The following MGAM variants were observed in gnomAD, a reference collection of about 807,000 sequenced individuals.
MGAM encodes the protein maltase-glucoamylase, also known as alpha-1,4-glucosidase.
In MGAM, 253 loss-of-function variants were observed where a neutral mutation model predicts 358.8. The ratio of observed to expected loss-of-function variants is 0.71; its 90% CI spans 0.64 to 0.78. MGAM has a LOEUF of 0.78. Ranked by LOEUF, MGAM falls within the 30% of genes least tolerant of loss-of-function variation. The probability of loss-of-function intolerance (pLI) is 0.00; values close to 1 mark genes in which losing one functional copy is unlikely to be tolerated. For missense variants in MGAM, 3,080 were observed against 3,432.6 expected (o/e 0.90, Z 2.57); for synonymous variants, 1,105 against 1,227.1 (o/e 0.90, Z 2.08).
intron 7 of MGAM, among the ~76,000 whole-genome samples, chr7:142,024,061 C>T (rs1806719825): frequency 6.6e-6 from 1 of 151,972 alleles, no homozygotes; most frequent in Non-Finnish European, 1.5e-5. Flanking sequence ...CCTGTCTCTA[C>T]TAAAAATACA....
At chr7:142,058,723 T>A (rs1226734558) in intron 31 of MGAM, among the ~76,000 whole-genome samples, 1 of 152,238 alleles carries the variant, frequency 6.6e-6, no homozygotes, top group Non-Finnish European at 1.5e-5. Context: ...GACAATTGTA[T>A]ATGTGAATAC....
Position 142,047,732 on chromosome 7 carries a change from C to T in MGAM, c.2499-53C>T, listed in dbSNP as rs896195595. 15 of 1,511,944 alleles carry T rather than the reference C, an allele frequency of 9.9e-6. No individual in the cohort carries two copies. In the Middle Eastern group the frequency reaches 5.1e-4, roughly 51 times the overall value. 93.7% of individuals were successfully genotyped at this position (1,511,944 alleles called of 1,614,324 possible). On this transcript the variant is annotated intron_variant, in intron 21 of 70. Transcript: ENST00000475668. ...TTTGATGGAAATATTCTCAGCTCGG[C>T]TGGCAAAATTCTCTGACTCCTGTCT... is the stretch of plus-strand genomic sequence containing the variant.
intron 26 of MGAM, among the ~76,000 whole-genome samples, chr7:142,053,329 G>T (rs1317494883): frequency 1.3e-5 from 2 of 152,058 alleles, no homozygotes; most frequent in African/African-American, 2.4e-5. Context: ...GGTTGAGAAA[G>T]TTGGGTTACA....
chr7:142,091,447 T>A (rs112194272), intron 57 of MGAM, among the ~76,000 whole-genome samples: 2,774 of 146,090 alleles, frequency 0.019, 154 homozygotes, highest in African/African-American at 0.063. Context: ...GTACTGGTCT[T>A]ATATCCTGAA....
chr7:142,060,053 G>A, intron 33 of MGAM, 87 bp downstream of exon 33: 11 of 1,376,196 alleles, frequency 8.0e-6, no homozygotes, highest in Non-Finnish European at 1.1e-5. Flanking sequence ...ACACGCCTGT[G>A]TATGTTATTT....
intron 1 of MGAM, among the ~76,000 whole-genome samples, chr7:142,005,079 C>T (rs1554451913): frequency 6.6e-6 from 1 of 151,938 alleles, no homozygotes; most frequent in African/African-American, 2.4e-5. Context: ...TTAAAAAATA[C>T]ATAACAGATA....
chr7:142,050,829 A>C lies in MGAM; in HGVS notation c.2770A>C (p.Thr924Pro), dbSNP rs754398347. 3.1e-6 allele frequency: 5 copies of C among 1,613,734 alleles called. No individual in the cohort carries two copies. The highest frequency in any genetic ancestry group is 4.2e-6 in the Non-Finnish European group (5 of 1,179,686). ...GAAACACAATGGTGTCCCAAGTCAG[A>C]CTTCTCCTACAGTCACTTATGATTC... The part of the protein sequence containing the change: ...TVKHNGVPSQ[T>P]SPTVTYDSNL... The change falls in exon 24 of 71, where the codon ACT becomes CCT. Residue 924 changes from threonine (T) to proline (P), a missense_variant. Physicochemically the swap from Thr to Pro is conservative, Grantham distance 38 (BLOSUM62 -1). Around this residue, in one of 5 missense-constraint regions of MGAM, gnomAD observed 1,816 missense variants for 1,840.5 expected, o/e 0.99. Transcript: ENST00000475668.
Position 142,106,012 on chromosome 7 carries a change from T to C in MGAM, c.*121T>C, listed in dbSNP as rs1816834256. ...ACCCACTATTGGTGAAATATTTCTG[T>C]TAATTTTGTTATATGTTTTTTGTGT... On this transcript the variant is annotated 3_prime_UTR_variant, in exon 71 of 71. Transcript: ENST00000475668. 6.4e-6 allele frequency: 5 copies of C among 780,948 alleles called. No individual in the cohort carries two copies. In the South Asian group the frequency reaches 8.3e-5, roughly 13 times the overall value. 48.4% of individuals were successfully genotyped at this position (780,948 alleles called of 1,614,324 possible).
At chr7:142,096,057 C>T (rs1291293520) in intron 64 of MGAM, 5 of 594,554 alleles carry the variant, frequency 8.4e-6, no homozygotes, top group Non-Finnish European at 1.5e-5. Context: ...GGAAAAGGGC[C>T]ATCCTTGCAT....
chr7:142,097,080 C>T (rs555335462), intron 65 of MGAM, among the ~76,000 whole-genome samples: 1 of 151,940 alleles, frequency 6.6e-6, no homozygotes, highest in Non-Finnish European at 1.5e-5. Flanking sequence ...AGGCACGTGC[C>T]ACCAGGCCCG....
chr7:142,084,389 C>T, intron 53 of MGAM, 130 bp from the exon 54 acceptor site: 1 of 1,107,910 alleles, frequency 9.0e-7, no homozygotes, highest in Non-Finnish European at 1.3e-6. Context: ...TATATCCTGT[C>T]AGTTTTGATG....
rs1383872784 is a variant in MGAM, at chr7:142,027,480, T to C, written c.1096-130T>C. On this transcript the variant is annotated intron_variant, in intron 9 of 70. Transcript: ENST00000475668. ...TTATGAAGGGGCTGGAAAAATAGAC[T>C]AACATTCTAACATTAATGAATCAGT... is the stretch of plus-strand genomic sequence containing the variant. 6 of 1,083,086 alleles carry C rather than the reference T, an allele frequency of 5.5e-6. No homozygotes were observed. The East Asian group carries it at 1.5e-4, about 28-fold the overall frequency. 67.1% of individuals were successfully genotyped at this position (1,083,086 alleles called of 1,614,324 possible).
intron 40 of MGAM, among the ~76,000 whole-genome samples, 199 bp from the exon 41 acceptor site, chr7:142,066,374 A>C (rs1207170872): frequency 6.8e-6 from 1 of 146,234 alleles, no homozygotes; most frequent in Non-Finnish European, 1.5e-5. Flanking sequence ...AGAATGTCTT[A>C]CAGTGAAATT....
intron 18 of MGAM, among the ~76,000 whole-genome samples, chr7:142,037,262 CTG>C (rs1372781212): frequency 1.3e-5 from 2 of 152,156 alleles, no homozygotes; most frequent in Non-Finnish European, 2.9e-5. Context: ...TTCACTAACT[CTG>C]TATCTTAGAC....
intron 10 of MGAM, chr7:142,030,114 C>A (rs1287320372): frequency 4.8e-6 from 2 of 413,038 alleles, no homozygotes; most frequent in Non-Finnish European, 8.8e-6. Context: ...TGCCAGAGTG[C>A]CAGGCAAGGA....
chr7:141,998,797 G>C (rs2128975833), intron 1 of MGAM, among the ~76,000 whole-genome samples: 1 of 152,190 alleles, frequency 6.6e-6, no homozygotes, highest in African/African-American at 2.4e-5. Flanking sequence ...GGGTCAAATG[G>C]TATTTCTAGT....
At chr7:142,048,279 C>T (rs1273441474) in intron 22 of MGAM, among the ~76,000 whole-genome samples, 2 of 151,264 alleles carry the variant, frequency 1.3e-5, no homozygotes, top group Admixed American at 6.6e-5. Flanking sequence ...CAGCCTCCCG[C>T]GTAGGACTAC....
At chr7:142,004,076 CT>C (rs1554451609) in intron 1 of MGAM, among the ~76,000 whole-genome samples, 1 of 151,928 alleles carries the variant, frequency 6.6e-6, no homozygotes. Flanking sequence ...AAAGGAAATG[CT>C]GATACAGTTT....
chr7:142,032,436 C>A (rs1040916386), intron 13 of MGAM, among the ~76,000 whole-genome samples: 1 of 152,060 alleles, frequency 6.6e-6, no homozygotes, highest in East Asian at 1.9e-4. Flanking sequence ...CTTTCTAGAC[C>A]TTTATGTGCT....
Sources: allele counts gnomAD v4.1 joint callset (sites outside exome capture counted in the v4.1 genomes callset), GRCh38; gene constraint gnomAD v4.1.1; regional missense constraint gnomAD v4.1.1; transcripts MANE v1.5; gene names NCBI Gene and HGNC (gene_info 2026-07-23, HGNC 2026-07-21).